The following RXRA variants were observed in gnomAD, a reference collection of about 807,000 sequenced individuals.
RXRA encodes the protein retinoid X receptor alpha.
In RXRA, 5 loss-of-function variants were observed where a neutral mutation model predicts 44.5. The observed-to-expected ratio is 0.11, with a 90% CI of 0.06 to 0.24. RXRA has a LOEUF of 0.24. Among genes scored for constraint, RXRA ranks in the 10% least tolerant of loss-of-function variants. The pLI, the probability that RXRA is intolerant of heterozygous loss-of-function variation, is 1.00. For missense variants in RXRA, 412 were observed against 646.5 expected (o/e 0.64, Z 3.93); for synonymous variants, 291 against 271.4 (o/e 1.07, Z -0.71).
chr9:134,403,293 A>G (rs1196115936), intron 2 of RXRA: 1 of 152,260 alleles, frequency 6.6e-6, no homozygotes, highest in Non-Finnish European at 1.5e-5. Flanking sequence ...ATGTGTGCAG[A>G]AGAACTGGGG....
At chr9:134,367,329 G>T (rs975674703) in intron 1 of RXRA, among the ~76,000 whole-genome samples, 5 of 152,178 alleles carry the variant, frequency 3.3e-5, no homozygotes, top group South Asian at 2.1e-4. Flanking sequence ...GTCTGCGGTG[G>T]GGGGGAGGGT....
chr9:134,340,077 A>T (rs996775901), intron 1 of RXRA, among the ~76,000 whole-genome samples: 9 of 151,358 alleles, frequency 5.9e-5, no homozygotes, highest in Non-Finnish European at 1.3e-4. Flanking sequence ...GTGAGTGTGT[A>T]TCCGTGTGCA....
intron 6 of RXRA, chr9:134,422,596 C>T (rs1448347782): frequency 2.1e-5 from 19 of 884,024 alleles, no homozygotes; most frequent in Non-Finnish European, 2.5e-5. Flanking sequence ...CGGGACACTC[C>T]CCGCTCCCAG....
rs1831667582 is a variant in RXRA, at chr9:134,438,449, AG to A, written c.*1836del. The stretch of plus-strand genomic sequence containing the variant: ...GAGACAGGCTGTCAGAGATTCCAGA[AG>A]CCTCTCCTCCCCGCCGCCCTCCACC... On this transcript the variant is annotated 3_prime_UTR_variant, in exon 10 of 10. Transcript: ENST00000481739. 6.6e-6 allele frequency: 1 copy of A among 152,182 alleles called. No individual in the cohort carries two copies. Among genetic ancestry groups the A allele is most frequent in the Non-Finnish European group, 1.5e-5 (1 of 68,060 alleles). 9.4% of individuals were successfully genotyped at this position (152,182 alleles called of 1,614,324 possible).
At position 134,366,266 on chromosome 9, in the gene RXRA, A is replaced by G. The variant is rs369702745; in HGVS notation, c.29-35366A>G. On this transcript the variant is annotated intron_variant, in intron 1 of 9. Transcript: ENST00000481739. The surrounding 1 kb of genome is among the most constrained non-coding windows in gnomAD (Gnocchi z 5.9). The stretch of plus-strand genomic sequence containing the variant: ...ACAGGTGCCCGCTGGGTGGTCTCCC[A>G]TGTGTGCCCAGGAGGAGTGCCACAG... 5.9e-5 allele frequency among the ~76,000 whole-genome samples: 9 copies of G among 151,978 alleles called. No individual in the cohort carries two copies. Among genetic ancestry groups the G allele is most frequent in the African/African-American group, 1.9e-4 (8 of 41,362 alleles).
intron 9 of RXRA, 91 bp from the exon 10 acceptor site, chr9:134,436,376 A>T: frequency 7.6e-7 from 1 of 1,308,214 alleles, no homozygotes; most frequent in Non-Finnish European, 1.1e-6. Context: ...TTGGGGTATC[A>T]GACACAGCCC....
chr9:134,432,868 AAG>A (rs1831554604), intron 8 of RXRA, among the ~76,000 whole-genome samples: 1 of 152,068 alleles, frequency 6.6e-6, no homozygotes, highest in African/African-American at 2.4e-5. Context: ...AAGTCTTGCT[AAG>A]TTTGGGTTTT....
At chr9:134,345,622 G>C (rs1830140749) in intron 1 of RXRA, among the ~76,000 whole-genome samples, 1 of 152,226 alleles carries the variant, frequency 6.6e-6, no homozygotes, top group South Asian at 2.1e-4. Context: ...GGCAGAGGCT[G>C]TCCCACCAGC....
chr9:134,412,557 C>T (rs1301539108), intron 4 of RXRA, among the ~76,000 whole-genome samples: 1 of 152,180 alleles, frequency 6.6e-6, no homozygotes, highest in African/African-American at 2.4e-5. Context: ...TCAGGTTGGG[C>T]AATGGGGCCT....
chr9:134,373,111 T>C (rs982767316), intron 1 of RXRA, among the ~76,000 whole-genome samples: 2 of 151,298 alleles, frequency 1.3e-5, no homozygotes. Flanking sequence ...CCAGAGAGGG[T>C]GAGGAGCTGG....
chr9:134,425,639 A>G (rs1300507861), intron 6 of RXRA: 4 of 983,616 alleles, frequency 4.1e-6, no homozygotes, highest in Non-Finnish European at 4.8e-6. Flanking sequence ...AGGCTTAGGT[A>G]GCAGGCCCAA....
chr9:134,404,652 A>C (rs997960637), intron 2 of RXRA: 2 of 152,548 alleles, frequency 1.3e-5, no homozygotes, highest in East Asian at 3.9e-4. Context: ...CGCGAGGCTG[A>C]GCGGGCTTCA....
chr9:134,402,070 T>G (rs1830972023), intron 2 of RXRA, 188 bp downstream of exon 2: 1 of 591,114 alleles, frequency 1.7e-6, no homozygotes, highest in African/African-American at 1.9e-5. Context: ...TGGGGCTGAC[T>G]GCTGAGCCTG....
chr9:134,420,188 C>A (rs1002429459), intron 5 of RXRA, among the ~76,000 whole-genome samples: 1 of 152,236 alleles, frequency 6.6e-6, no homozygotes, highest in East Asian at 1.9e-4. Context: ...CCCTGCCAGG[C>A]CTGCTTCATC....
chr9:134,407,568 TG>T lies in RXRA; in HGVS notation c.280-579del, dbSNP rs908830913. Among the ~76,000 whole-genome samples the T allele has an allele frequency of 2.0e-5, 3 of 151,862 alleles. No homozygotes were observed. Among genetic ancestry groups the T allele is most frequent in the Admixed American group, 2.0e-4 (3 of 15,272 alleles). On this transcript the variant is annotated intron_variant, in intron 2 of 9. Transcript: ENST00000481739. The surrounding 1 kb of genome is among the most constrained non-coding windows in gnomAD (Gnocchi z 4.8). ...GCGGAGGGGTGTGCAGAGAGGCCAG[TG>T]GTGTCGTGCCACCCGATGCCCGGGG...
intron 1 of RXRA, among the ~76,000 whole-genome samples, chr9:134,375,722 G>A (rs77907315): frequency 0.029 from 4,411 of 152,204 alleles, 105 homozygotes; most frequent in Non-Finnish European, 0.049. Flanking sequence ...AGAAGCCTGA[G>A]GGCTGGGGTG....
chr9:134,419,079 C>T (rs575586058), intron 5 of RXRA, among the ~76,000 whole-genome samples: 7 of 152,306 alleles, frequency 4.6e-5, no homozygotes, highest in Admixed American at 1.3e-4. Flanking sequence ...GGGACCCCGA[C>T]AGCAGGCACC....
intron 6 of RXRA, chr9:134,425,651 G>C: frequency 1.0e-6 from 1 of 985,000 alleles, no homozygotes; most frequent in Non-Finnish European, 1.2e-6. Context: ...CAGGCCCAAG[G>C]TCCCCCTGTG....
intron 1 of RXRA, among the ~76,000 whole-genome samples, chr9:134,362,779 C>T (rs1184178289): frequency 3.3e-5 from 5 of 152,232 alleles, no homozygotes; most frequent in Non-Finnish European, 5.9e-5. Flanking sequence ...CATGTGGTCC[C>T]GGTCAGCTCC....
Sources: gnomAD v4.1 joint callset for allele counts (sites outside exome capture counted in the v4.1 genomes callset) on GRCh38, gnomAD v4.1.1 for gene constraint, Gnocchi (gnomAD v3.1) non-coding constraint, MANE v1.5 for transcripts, NCBI Gene and HGNC (gene_info 2026-07-23, HGNC 2026-07-21) for gene names.